KLF17: variants seen among roughly 807,000 people sequenced by gnomAD.
KLF17 encodes the protein KLF transcription factor 17.
Under a neutral mutation model 34.2 loss-of-function variants are expected in KLF17, and 31 were observed. The ratio of observed to expected loss-of-function variants is 0.91; its 90% confidence interval spans 0.68 to 1.22. The LOEUF (loss-of-function observed/expected upper bound fraction) is 1.22, where lower values mean the gene tolerates loss of function less well. KLF17 is among the 50% of genes most tolerant of loss of function. KLF17 has a pLI of 0.00. For synonymous variants in KLF17, 179 were observed against 186.7 expected, an observed-to-expected ratio of 0.96 and a Z score of 0.34; for missense variants, 478 against 505.2, an observed-to-expected ratio of 0.95 and a Z score of 0.52.
rs746959776 is a variant in KLF17 at position 44,129,986 on chromosome 1, C to G, written c.715C>G (p.Leu239Val). 3 of 1,614,066 alleles carry G rather than the reference C, an allele frequency of 1.9e-6. No homozygotes were observed. The highest frequency in any genetic ancestry group is 2.7e-5 in the African/African-American group (2 of 74,918). ...SLLVLGSQDS[L>V]VSQPDSQEGP... The stretch of plus-strand genomic sequence containing the variant: ...GCTGGTTTTAGGATCTCAGGACTCT[C>G]TTGTCAGTCAGCCAGACTCTCAAGA... The change falls in exon 2 of 4, where the codon CTT becomes GTT. Residue 239 changes from leucine (L) to valine (V), a missense_variant. Physicochemically the swap from Leu to Val is conservative, Grantham distance 32. Transcript: ENST00000372299.
chr1:44,096,424 AGTCTCGCTCT>A, the KLF17 span, among the ~76,000 whole-genome samples: 1 of 133,050 alleles, frequency 7.5e-6, no homozygotes. Flanking sequence ...TTTGAGAGGG[AGTCTCGCTCT>A]GTCGCCCAGG....
the KLF17 span, among the ~76,000 whole-genome samples, chr1:44,109,344 T>A: frequency 1.3e-5 from 2 of 152,218 alleles, no homozygotes; most frequent in Non-Finnish European, 2.9e-5. Context: ...GCTGAACTCC[T>A]AATACTTTAA....
the KLF17 span, among the ~76,000 whole-genome samples, chr1:44,086,180 G>A: frequency 6.6e-6 from 1 of 152,058 alleles, no homozygotes; most frequent in East Asian, 1.9e-4. Flanking sequence ...AAAGAGAACA[G>A]AGACGGTGGG....
chr1:44,087,646 T>G, the KLF17 span, among the ~76,000 whole-genome samples: 23 of 148,500 alleles, frequency 1.5e-4, no homozygotes, highest in African/African-American at 5.5e-4. Flanking sequence ...GCTTGTGACA[T>G]CTGCCTTCTG....
the KLF17 span, chr1:44,104,463 G>C: frequency 1.3e-6 from 1 of 796,826 alleles, no homozygotes; most frequent in East Asian, 2.4e-5. Flanking sequence ...GTCGATGAAG[G>C]AGGCAAACTT....
chr1:44,063,084 A>T, the KLF17 span, among the ~76,000 whole-genome samples: 1 of 152,214 alleles, frequency 6.6e-6, no homozygotes, highest in Non-Finnish European at 1.5e-5. Context: ...ATAATAAAAC[A>T]ACATGGGTGA....
the KLF17 span, among the ~76,000 whole-genome samples, chr1:44,084,814 C>T: frequency 7.9e-5 from 12 of 151,158 alleles, no homozygotes; most frequent in African/African-American, 1.7e-4. Context: ...TGGCTCATGC[C>T]TGTAATCTCA....
chr1:44,108,773 C>G, the KLF17 span, among the ~76,000 whole-genome samples: 5 of 139,770 alleles, frequency 3.6e-5, no homozygotes, highest in Non-Finnish European at 6.0e-5. Context: ...TCAAGTGATT[C>G]TCCTGCCTCA....
the KLF17 span, among the ~76,000 whole-genome samples, chr1:44,080,713 A>AT: frequency 0.19 from 18,009 of 92,686 alleles, 2,516 homozygotes; most frequent in South Asian, 0.33. Flanking sequence ...ATTATATTGA[A>AT]TTTTTTTTTT....
the KLF17 span, chr1:44,103,486 C>A: frequency 1.0e-6 from 1 of 969,828 alleles, no homozygotes; most frequent in Admixed American, 1.7e-5. Context: ...CTCGTGAGGC[C>A]CCCATAGGCC....
At chr1:44,124,414 C>T (rs1178436644) in intron 1 of KLF17, among the ~76,000 whole-genome samples, 6 of 150,792 alleles carry the variant, frequency 4.0e-5, no homozygotes, top group Admixed American at 2.0e-4. Flanking sequence ...ACTGCAACCT[C>T]TACCTCCTGG....
the KLF17 span, among the ~76,000 whole-genome samples, chr1:44,109,960 T>C: frequency 4.4e-4 from 63 of 142,006 alleles, no homozygotes; most frequent in African/African-American, 1.5e-3. Context: ...CAGGCTGGAG[T>C]GCAATGGCAC....
In KLF17 at chr1:44,129,674, G is replaced by A. The variant is rs769752999; in HGVS notation, c.403G>A (p.Val135Ile). ...TIFSGPQLMP[V>I]GEPNIPRVAR... ...TTTCAGTGGGCCCCAACTAATGCCC[G>A]TAGGAGAGCCCAATATTCCAAGGGT... is the stretch of plus-strand genomic sequence containing the variant. The change falls in exon 2 of 4, where the codon GTA becomes ATA. Residue 135 changes from valine (V) to isoleucine (I), a missense_variant. Val to Ile is a conservative substitution (Grantham distance 29). Transcript: ENST00000372299. The A allele has an allele frequency of 8.1e-6, 13 of 1,614,016 alleles. No individual in the cohort carries two copies. Among genetic ancestry groups the A allele is most frequent in the East Asian group, 2.2e-5 (1 of 44,890 alleles).
chr1:44,108,580 C>T, the KLF17 span, among the ~76,000 whole-genome samples: 1 of 149,766 alleles, frequency 6.7e-6, no homozygotes, highest in African/African-American at 2.4e-5. Context: ...ATGGTTTGAC[C>T]ACTGGTGATC....
the KLF17 span, among the ~76,000 whole-genome samples, chr1:44,056,101 C>T: frequency 6.6e-6 from 1 of 152,178 alleles, no homozygotes. Context: ...CAGTCCTTCC[C>T]TCAAGGTTTT....
the KLF17 span, among the ~76,000 whole-genome samples, chr1:44,091,950 A>AACAC: frequency 8.7e-4 from 96 of 110,324 alleles, 2 homozygotes; most frequent in Middle Eastern, 5.3e-3. Context: ...CAACAACAAC[A>AACAC]ACACACACAC....
the KLF17 span, among the ~76,000 whole-genome samples, chr1:44,093,578 A>G: frequency 1.3e-5 from 2 of 152,128 alleles, no homozygotes; most frequent in African/African-American, 4.8e-5. Context: ...TATTTTTAGT[A>G]GAGACGGGAT....
At chr1:44,077,372 A>G in the KLF17 span, among the ~76,000 whole-genome samples, 1 of 152,172 alleles carries the variant, frequency 6.6e-6, no homozygotes, top group African/African-American at 2.4e-5. Flanking sequence ...GAAAAAAGAA[A>G]AAAATGGATT....
At chr1:44,084,716 G>A in the KLF17 span, among the ~76,000 whole-genome samples, 1 of 150,158 alleles carries the variant, frequency 6.7e-6, no homozygotes, top group Non-Finnish European at 1.5e-5. Context: ...GGTGGTGACT[G>A]CATAAGCCTT....
Sources: gnomAD v4.1 joint callset for allele counts (sites outside exome capture counted in the v4.1 genomes callset) on GRCh38, gnomAD v4.1.1 for gene constraint, MANE v1.5 for transcripts, NCBI Gene and HGNC (gene_info 2026-07-23, HGNC 2026-07-21) for gene names.